Variants in PMS2 observed in about 807,000 individuals in gnomAD.
PMS2 encodes mismatch repair endonuclease PMS2.
PMS2 carries 69 observed loss-of-function variants against 90.0 expected under a neutral mutation model. The observed-to-expected ratio is 0.77, with a 90% CI of 0.63 to 0.94. PMS2 has a LOEUF of 0.94. Among genes scored for constraint, PMS2 ranks in the 40% least tolerant of loss-of-function variants. The pLI, the probability that PMS2 is intolerant of heterozygous loss-of-function variation, is 0.00. For missense variants in PMS2, 966 were observed against 1,040.2 expected, an observed-to-expected ratio of 0.93 and a Z score of 0.98; for synonymous variants, 332 against 375.1, an observed-to-expected ratio of 0.89 and a Z score of 1.33.
chr7:5,984,161 C>T lies in PMS2; in HGVS notation c.2007-1170G>A, dbSNP rs565677117. Reference sequence around the variant, plus strand: ...TAGAGGGAGAACTACATATGTACTTCTTGACGGGAAATCTGTGAAAAGTCA... The same window carrying T: ...TAGAGGGAGAACTACATATGTACTTTTTGACGGGAAATCTGTGAAAAGTCA... On this transcript the variant is annotated intron_variant, in intron 11 of 14. Coordinates refer to ENST00000265849, the MANE Select transcript of PMS2 (RefSeq NM_000535.7). Among the ~76,000 whole-genome samples, 20 of 151,958 alleles carry T rather than the reference C, an allele frequency of 1.3e-4. No homozygotes were observed. In the South Asian group the frequency reaches 3.7e-3, roughly 28 times the overall value.
chr7:5,991,946 T>C (rs1562651002), intron 9 of PMS2, 27 bp downstream of exon 9: 7 of 1,040,212 alleles, frequency 6.7e-6, no homozygotes, highest in African/African-American at 1.6e-5. Flanking sequence ...TAGTCACTAG[T>C]TGTACTGAAA....
chr7:5,990,101 GGGT>G, intron 9 of PMS2, 146 bp from the exon 10 acceptor site: 1 of 489,412 alleles, frequency 2.0e-6, no homozygotes, highest in Non-Finnish European at 3.6e-6. Flanking sequence ...TCCGCCTCCT[GGGT>G]TCAAGTGATT....
chr7:6,008,613 A>G (rs1047803687), intron 1 of PMS2, among the ~76,000 whole-genome samples: 6 of 152,126 alleles, frequency 3.9e-5, no homozygotes, highest in African/African-American at 1.4e-4. Context: ...ATAAAATACT[A>G]TAAAAATAAA....
rs786203379 is a variant in PMS2, at chr7:5,986,836, C to A, written c.1929G>T (p.Gln643His). The change falls in exon 11 of 15, where the codon CAG becomes CAT. Residue 643 changes from glutamine to histidine, a missense_variant. Physicochemically the swap from Gln to His is conservative, Grantham distance 24. This residue lies in a region of PMS2 where 871 missense variants were observed against 802.4 expected (regional missense o/e 1.09). Coordinates refer to ENST00000265849, the MANE Select transcript of PMS2 (RefSeq NM_000535.7). The stretch of plus-strand genomic sequence containing the variant: ...TCTTTGCCCTAAACTTCCTGTAATT[C>A]TGTTCCCCTTCACTTTGCTGTGCTT... The part of the protein sequence containing the change: ...HHEAQQSEGE[Q>H]NYRKFRAKIC... 3.7e-6 allele frequency: 6 copies of A among 1,613,644 alleles called. No individual in the cohort carries two copies. The highest frequency in any genetic ancestry group is 1.3e-5 in the African/African-American group (1 of 74,890).
In PMS2 at chr7:5,983,035, T is replaced by G. The variant is rs2128705373; in HGVS notation, c.2007-44A>C. 1 of 1,529,438 alleles carries G rather than the reference T, an allele frequency of 6.5e-7. No homozygotes were observed. The highest frequency in any genetic ancestry group is 8.9e-7 in the Non-Finnish European group (1 of 1,121,010). The allele number at this position is 1,529,438 out of a possible 1,614,324, so 94.7% of individuals were successfully genotyped here. On this transcript the variant is annotated intron_variant, in intron 11 of 14. Coordinates refer to ENST00000265849, the MANE Select transcript of PMS2 (RefSeq NM_000535.7). ...AATTATCAGACATTTTACAAGATTA[T>G]TTTTCTGATTATGTTATAGAACACT...
intron 12 of PMS2, among the ~76,000 whole-genome samples, chr7:5,982,377 GTA>G (rs1414852191): frequency 6.6e-6 from 1 of 152,156 alleles, no homozygotes; most frequent in Non-Finnish European, 1.5e-5. Flanking sequence ...GGCTAATTTT[GTA>G]TTTTTAGTAG....
At chr7:5,997,734 G>C (rs56046011) in intron 6 of PMS2, among the ~76,000 whole-genome samples, 1 of 152,004 alleles carries the variant, frequency 6.6e-6, no homozygotes, top group East Asian at 1.9e-4. Context: ...TTTTTTTGTA[G>C]AGATGGGATC....
rs182478945 is a variant in PMS2 at position 5,977,842 on chromosome 7, G to A, written c.2276-85C>T. On this transcript the variant is annotated intron_variant, in intron 13 of 14. Coordinates refer to ENST00000265849, the MANE Select transcript of PMS2 (RefSeq NM_000535.7). ...CTACTTAGGATGAACATCTGAGGCC[G>A]GGCGTGGTGGCTCACGCCTGTAATC... is the stretch of plus-strand genomic sequence containing the variant. 2.9e-4 allele frequency: 455 copies of A among 1,556,048 alleles called. 8 individuals are homozygous for A. In the African/African-American group the frequency reaches 4.8e-3, roughly 17 times the overall value.
At chr7:5,999,361 G>A in intron 5 of PMS2, 86 bp from the exon 6 acceptor site, 2 of 1,170,990 alleles carry the variant, frequency 1.7e-6, no homozygotes, top group Middle Eastern at 2.0e-4. Context: ...CCAACGCAAG[G>A]TTCTCACATC....
chr7:6,002,926 C>A (rs1785264671), intron 4 of PMS2, among the ~76,000 whole-genome samples: 1 of 152,168 alleles, frequency 6.6e-6, no homozygotes, highest in African/African-American at 2.4e-5. Context: ...TATTTATTCA[C>A]AAACACAGAT....
intron 12 of PMS2, among the ~76,000 whole-genome samples, 179 bp downstream of exon 12, chr7:5,982,645 A>C (rs2533066): frequency 5.3e-5 from 8 of 152,138 alleles, no homozygotes; most frequent in South Asian, 2.1e-4. Flanking sequence ...CCAACTAGAT[A>C]TTTTTTATTT....
chr7:6,008,292 A>C (rs2128860970), intron 1 of PMS2, among the ~76,000 whole-genome samples: 1 of 152,322 alleles, frequency 6.6e-6, no homozygotes, highest in African/African-American at 2.4e-5. Flanking sequence ...ATTTGCGTTT[A>C]CAAATCTGAC....
In PMS2 at chr7:5,987,401, G is replaced by A. The variant is rs748698776; in HGVS notation, c.1364C>T (p.Ser455Phe). Residue 455 changes from serine (S) to phenylalanine (F), a missense_variant, in exon 11 of 15, where the codon TCT becomes TTT. Physicochemically the swap from Ser to Phe is radical, Grantham distance 155. Transcript: ENST00000265849. ...AGAGATGGCACCTGAAGTGCTAGAA[G>A]ACAGCATACCCCTTTTCTGTCCTAG... ...SPLGQKRGML[S>F]SSTSGAISDK... The A allele has an allele frequency of 1.4e-5, 22 of 1,614,102 alleles. No homozygotes were observed. Among genetic ancestry groups the A allele is most frequent in the South Asian group, 2.2e-5 (2 of 91,088 alleles).
chr7:5,990,748 C>T (rs866551738), intron 9 of PMS2, among the ~76,000 whole-genome samples: 5 of 152,168 alleles, frequency 3.3e-5, no homozygotes, highest in Admixed American at 6.6e-5. Context: ...TGCAGTGGCT[C>T]ACACCCTGTA....
At chr7:5,984,232 A>G (rs899375132) in intron 11 of PMS2, among the ~76,000 whole-genome samples, 3 of 151,788 alleles carry the variant, frequency 2.0e-5, no homozygotes, top group African/African-American at 4.9e-5. Flanking sequence ...CCAATGCTGG[A>G]TATCAATCCT....
chr7:5,999,568 A>C (rs1253526309), intron 5 of PMS2, among the ~76,000 whole-genome samples: 1 of 151,998 alleles, frequency 6.6e-6, no homozygotes, highest in Non-Finnish European at 1.5e-5. Flanking sequence ...GGGCAGGAGG[A>C]TCACTTGAGA....
At chr7:5,982,005 T>A (rs939469216) in intron 12 of PMS2, among the ~76,000 whole-genome samples, 9 of 151,848 alleles carry the variant, frequency 5.9e-5, no homozygotes, top group African/African-American at 2.2e-4. Context: ...TAGACACACA[T>A]ATAAACTATT....
chr7:5,997,683 G>A (rs1784585129), intron 6 of PMS2, among the ~76,000 whole-genome samples: 1 of 151,964 alleles, frequency 6.6e-6, no homozygotes. Flanking sequence ...TGAGTAGCTG[G>A]GACTACAGGT....
intron 8 of PMS2, among the ~76,000 whole-genome samples, chr7:5,994,072 C>A (rs948121216): frequency 6.6e-6 from 1 of 151,530 alleles, no homozygotes; most frequent in African/African-American, 2.4e-5. Flanking sequence ...AACACACTCA[C>A]GTATATGCAA....
Sources: allele counts gnomAD v4.1 joint callset (sites outside exome capture counted in the v4.1 genomes callset), GRCh38; gene constraint gnomAD v4.1.1; regional missense constraint gnomAD v4.1.1; transcripts MANE v1.5; gene names NCBI Gene and HGNC (gene_info 2026-07-23, HGNC 2026-07-21).